Variants in SMOC2 observed in about 807,000 individuals in gnomAD.
SMOC2 encodes SPARC-related modular calcium-binding protein 2.
A neutral mutation model predicts 61.4 loss-of-function variants in SMOC2; 39 were observed. The observed-to-expected ratio is 0.64, with a 90% CI of 0.49 to 0.83. The LOEUF is 0.83. Ranked by LOEUF, SMOC2 falls within the 40% of genes least tolerant of loss-of-function variation. The pLI is 0.00. For missense variants in SMOC2, 556 were observed against 592.9 expected (o/e 0.94, Z 0.65); for synonymous variants, 247 against 239.9 (o/e 1.03, Z -0.27).
intron 1 of SMOC2, among the ~76,000 whole-genome samples, chr6:168,485,418 A>C (rs750026605): frequency 1.4e-4 from 22 of 152,228 alleles, no homozygotes; most frequent in Non-Finnish European, 2.1e-4. Context: ...GGTGAAATCA[A>C]CCTGAATATT....
At chr6:168,552,641 TA>T (rs1784154063) in intron 7 of SMOC2, among the ~76,000 whole-genome samples, 1 of 152,246 alleles carries the variant, frequency 6.6e-6, no homozygotes, top group Non-Finnish European at 1.5e-5. Flanking sequence ...CATATAATGA[TA>T]GTAGTCTTTT....
At chr6:168,634,018 A>G (rs1786646211) in intron 9 of SMOC2, among the ~76,000 whole-genome samples, 1 of 152,220 alleles carries the variant, frequency 6.6e-6, no homozygotes. Flanking sequence ...CCATGTGAAG[A>G]AGGACATGTT....
chr6:168,457,321 C>T (rs1451271773), intron 1 of SMOC2, among the ~76,000 whole-genome samples: 1 of 152,192 alleles, frequency 6.6e-6, no homozygotes, highest in Admixed American at 6.5e-5. Context: ...AGCACCCCAG[C>T]GTGACGCCAG....
At chr6:168,633,911 A>G (rs1294568864) in intron 9 of SMOC2, among the ~76,000 whole-genome samples, 1 of 152,200 alleles carries the variant, frequency 6.6e-6, no homozygotes, top group Non-Finnish European at 1.5e-5. Flanking sequence ...GGTTACCCCT[A>G]CACTGCTCTT....
At chr6:168,585,887 G>A (rs1443990610) in intron 7 of SMOC2, among the ~76,000 whole-genome samples, 3 of 152,220 alleles carry the variant, frequency 2.0e-5, no homozygotes, top group African/African-American at 4.8e-5. Context: ...GTTGTTTATA[G>A]CACCTGGAGT....
chr6:168,529,573 C>T (rs1347630852), intron 4 of SMOC2, among the ~76,000 whole-genome samples: 1 of 152,096 alleles, frequency 6.6e-6, no homozygotes, highest in Non-Finnish European at 1.5e-5. Flanking sequence ...GGCTTCCCCT[C>T]CGCACACATG....
intron 1 of SMOC2, among the ~76,000 whole-genome samples, chr6:168,470,404 A>C (rs969416154): frequency 3.3e-5 from 5 of 152,252 alleles, no homozygotes; most frequent in South Asian, 2.1e-4. Flanking sequence ...GGTCAAGCGC[A>C]GTGGCTCATG....
At chr6:168,563,856 G>A (rs896167311) in intron 7 of SMOC2, among the ~76,000 whole-genome samples, 68 of 152,058 alleles carry the variant, frequency 4.5e-4, no homozygotes, top group African/African-American at 1.4e-3. Context: ...CCTCCCAACC[G>A]GAGGCTCGGT....
intron 6 of SMOC2, among the ~76,000 whole-genome samples, chr6:168,548,053 G>A (rs1032763151): frequency 1.3e-5 from 2 of 152,160 alleles, no homozygotes; most frequent in African/African-American, 4.8e-5. Flanking sequence ...AAAGGGAACC[G>A]GGGTTTAAGG....
chr6:168,508,490 G>T (rs1189607184), intron 1 of SMOC2, among the ~76,000 whole-genome samples: 1 of 152,236 alleles, frequency 6.6e-6, no homozygotes, highest in Non-Finnish European at 1.5e-5. Flanking sequence ...GTGATCCGCA[G>T]CCACAGAGGG....
intron 1 of SMOC2, among the ~76,000 whole-genome samples, chr6:168,486,562 C>G (rs1348683834): frequency 2.0e-5 from 3 of 151,592 alleles, no homozygotes; most frequent in Non-Finnish European, 4.4e-5. Context: ...CATGGAAGAG[C>G]GCTGTTCTTT....
chr6:168,623,158 C>G (rs1228427228), intron 9 of SMOC2, among the ~76,000 whole-genome samples: 1 of 151,990 alleles, frequency 6.6e-6, no homozygotes, highest in Non-Finnish European at 1.5e-5. Flanking sequence ...TAGAAATGCT[C>G]TAAATATAGG....
intron 7 of SMOC2, among the ~76,000 whole-genome samples, chr6:168,565,419 C>G (rs1033164065): frequency 2.0e-4 from 31 of 152,176 alleles, no homozygotes; most frequent in African/African-American, 6.3e-4. Context: ...CCTCTGTGTT[C>G]TTCCCTCCGT....
At chr6:168,648,695 C>CT (rs1189074026) in intron 9 of SMOC2, among the ~76,000 whole-genome samples, 1 of 152,210 alleles carries the variant, frequency 6.6e-6, no homozygotes, top group Non-Finnish European at 1.5e-5. Flanking sequence ...TGCAAAGAGA[C>CT]TAACACAGAC....
rs149708575 is a variant in SMOC2, at chr6:168,494,788, A to G, written c.85-15127A>G. On this transcript the variant is annotated intron_variant, in intron 1 of 12. Coordinates refer to ENST00000356284, the MANE Select transcript of SMOC2 (RefSeq NM_001166412.2). The stretch of plus-strand genomic sequence containing the variant: ...GCCCCATCCCAGCAGCTGAAGGGCA[A>G]GGGAGGTGGCTGGGAAGGGCGGGCA... Among the ~76,000 whole-genome samples the G allele has an allele frequency of 4.5e-3, 679 of 152,296 alleles. 4 individuals are homozygous for G. Among genetic ancestry groups the G allele is most frequent in the African/African-American group, 0.016 (656 of 41,580 alleles).
chr6:168,583,104 C>CT (rs1376587749), intron 7 of SMOC2, among the ~76,000 whole-genome samples: 1 of 152,224 alleles, frequency 6.6e-6, no homozygotes, highest in Non-Finnish European at 1.5e-5. Flanking sequence ...CCATTGCTTG[C>CT]TTTTTCTCAG....
At chr6:168,596,764 C>G (rs1785345212) in intron 7 of SMOC2, among the ~76,000 whole-genome samples, 2 of 152,234 alleles carry the variant, frequency 1.3e-5, no homozygotes, top group South Asian at 4.1e-4. Context: ...TTATTTGTTA[C>G]CAGTTTCCTC....
chr6:168,600,402 T>C, intron 8 of SMOC2, among the ~76,000 whole-genome samples: 1 of 103,602 alleles, frequency 9.7e-6, no homozygotes, highest in Middle Eastern at 0.01. Flanking sequence ...AGCGAAACTC[T>C]GCCTCAAAAA....
At chr6:168,566,939 A>T (rs555690155) in intron 7 of SMOC2, among the ~76,000 whole-genome samples, 1 of 152,352 alleles carries the variant, frequency 6.6e-6, no homozygotes, top group Admixed American at 6.5e-5. Flanking sequence ...TGATACACGG[A>T]AAATAGGAGA....
Sources: gnomAD v4.1 joint callset for allele counts (sites outside exome capture counted in the v4.1 genomes callset) on GRCh38, gnomAD v4.1.1 for gene constraint, MANE v1.5 for transcripts, NCBI Gene and HGNC (gene_info 2026-07-23, HGNC 2026-07-21) for gene names.